The following RIMS1 variants were observed in gnomAD, a reference collection of about 807,000 sequenced individuals.
The protein encoded by RIMS1 is regulating synaptic membrane exocytosis 1.
In RIMS1, 83 loss-of-function variants were observed where a neutral mutation model predicts 214.1. That is an observed-to-expected ratio of 0.39 (90% CI 0.32 to 0.47). The LOEUF (loss-of-function observed/expected upper bound fraction) is 0.47, where lower values mean the gene tolerates loss of function less well. Among genes scored for constraint, RIMS1 ranks in the 20% least tolerant of loss-of-function variants. The pLI is 0.99. For missense variants in RIMS1, 2,050 were observed against 2,161.8 expected (o/e 0.95, Z 1.03); for synonymous variants, 793 against 786.8 (o/e 1.01, Z -0.13).
At chr6:72,276,532 C>G (rs556975488) in intron 23 of RIMS1, among the ~76,000 whole-genome samples, 6 of 151,898 alleles carry the variant, frequency 4.0e-5, no homozygotes, top group South Asian at 2.1e-4. Context: ...AGAAATGATC[C>G]TTTTAGATAA....
intron 6 of RIMS1, among the ~76,000 whole-genome samples, chr6:72,196,924 C>T (rs2051092018): frequency 1.3e-5 from 2 of 151,984 alleles, no homozygotes; most frequent in African/African-American, 2.4e-5. Context: ...TTCAAGTTGG[C>T]ATGTTCATTC....
chr6:72,383,405 A>G (rs2098527633), intron 29 of RIMS1, among the ~76,000 whole-genome samples: 1 of 152,108 alleles, frequency 6.6e-6, no homozygotes, highest in African/African-American at 2.4e-5. Context: ...CAAGTATAAT[A>G]TACTAACCAC....
chr6:72,320,135 A>G (rs1045547915), intron 28 of RIMS1, among the ~76,000 whole-genome samples: 3 of 152,154 alleles, frequency 2.0e-5, no homozygotes, highest in African/African-American at 7.2e-5. Flanking sequence ...GATGAATTTA[A>G]CAGTTGGATT....
At chr6:71,947,459 A>G (rs192330605) in intron 1 of RIMS1, among the ~76,000 whole-genome samples, 1 of 152,306 alleles carries the variant, frequency 6.6e-6, no homozygotes, top group East Asian at 1.9e-4. Flanking sequence ...CAAAAAGACA[A>G]ATACCGCATG....
chr6:72,121,851 T>C (rs2038403428), intron 4 of RIMS1, among the ~76,000 whole-genome samples: 1 of 151,934 alleles, frequency 6.6e-6, no homozygotes, highest in Non-Finnish European at 1.5e-5. Context: ...TATTGGGAGC[T>C]TTTAGGATAA....
intron 12 of RIMS1, among the ~76,000 whole-genome samples, chr6:72,249,957 A>C (rs1161693853): frequency 2.6e-5 from 4 of 152,156 alleles, no homozygotes; most frequent in Non-Finnish European, 5.9e-5. Flanking sequence ...TAGTCACGCT[A>C]TAATAATTTA....
intron 6 of RIMS1, among the ~76,000 whole-genome samples, chr6:72,190,407 G>C (rs576092187): frequency 1.3e-5 from 2 of 150,516 alleles, no homozygotes; most frequent in Admixed American, 6.6e-5. Context: ...AGGTTGCCGT[G>C]AGCTGAGATC....
chr6:72,078,131 T>C (rs1832377946), intron 2 of RIMS1, among the ~76,000 whole-genome samples: 1 of 152,224 alleles, frequency 6.6e-6, no homozygotes, highest in South Asian at 2.1e-4. Flanking sequence ...AGAGCATTTC[T>C]AAATGAAGCT....
intron 4 of RIMS1, among the ~76,000 whole-genome samples, chr6:72,132,486 T>C (rs2040599357): frequency 6.6e-6 from 1 of 152,188 alleles, no homozygotes; most frequent in South Asian, 2.1e-4. Flanking sequence ...ATTGGGTACA[T>C]AATATTATTG....
chr6:72,387,974 T>C (rs1019234624), intron 29 of RIMS1, among the ~76,000 whole-genome samples: 4 of 152,202 alleles, frequency 2.6e-5, no homozygotes, highest in Admixed American at 2.0e-4. Flanking sequence ...TGTTACATTA[T>C]ATTAAATGGA....
chr6:72,156,399 T>C (rs2044447554), intron 4 of RIMS1, among the ~76,000 whole-genome samples: 1 of 140,806 alleles, frequency 7.1e-6, no homozygotes, highest in African/African-American at 2.5e-5. Flanking sequence ...ATACCACTTA[T>C]CACTTGTATA....
chr6:72,236,539 T>C (rs954665878), intron 8 of RIMS1, among the ~76,000 whole-genome samples: 10 of 152,114 alleles, frequency 6.6e-5, no homozygotes, highest in African/African-American at 2.2e-4. Context: ...TACACATGAA[T>C]TTGGATGATA....
intron 29 of RIMS1, among the ~76,000 whole-genome samples, chr6:72,361,591 A>T (rs758534980): frequency 3.9e-5 from 6 of 152,150 alleles, no homozygotes; most frequent in Non-Finnish European, 8.8e-5. Flanking sequence ...GTTTTTTGCA[A>T]TTATCACCCT....
At chr6:72,191,942 A>G (rs1398271646) in intron 6 of RIMS1, among the ~76,000 whole-genome samples, 1 of 152,096 alleles carries the variant, frequency 6.6e-6, no homozygotes, top group African/African-American at 2.4e-5. Context: ...CACTCCAGGG[A>G]TGTGATATTG....
At chr6:72,171,281 T>C (rs2046984297) in intron 4 of RIMS1, among the ~76,000 whole-genome samples, 1 of 150,532 alleles carries the variant, frequency 6.6e-6, no homozygotes, top group Non-Finnish European at 1.5e-5. Context: ...ATATTGAATT[T>C]ATATATAATA....
intron 2 of RIMS1, among the ~76,000 whole-genome samples, chr6:72,071,317 C>T (rs541916753): frequency 2.0e-5 from 3 of 152,208 alleles, no homozygotes; most frequent in African/African-American, 7.2e-5. Context: ...GGGAGGATAA[C>T]TTGAGCCCGG....
At chr6:72,044,018 T>C (rs1350710824) in intron 2 of RIMS1, among the ~76,000 whole-genome samples, 8 of 151,538 alleles carry the variant, frequency 5.3e-5, no homozygotes, top group African/African-American at 1.7e-4. Context: ...AATATATTAT[T>C]AAAAATTTAT....
At chr6:72,338,269 T>C (rs2096917383) in intron 29 of RIMS1, among the ~76,000 whole-genome samples, 1 of 151,914 alleles carries the variant, frequency 6.6e-6, no homozygotes, top group South Asian at 2.1e-4. Flanking sequence ...CCTGACTTTT[T>C]AATGATCACC....
At chr6:72,150,350 G>A (rs1588098784) in intron 4 of RIMS1, among the ~76,000 whole-genome samples, 1 of 152,168 alleles carries the variant, frequency 6.6e-6, no homozygotes, top group Non-Finnish European at 1.5e-5. Context: ...TTTGGTCTGT[G>A]GATTTGACTT....
Sources: gnomAD v4.1 joint callset for allele counts (sites outside exome capture counted in the v4.1 genomes callset) on GRCh38, gnomAD v4.1.1 for gene constraint, MANE v1.5 for transcripts, NCBI Gene and HGNC (gene_info 2026-07-23, HGNC 2026-07-21) for gene names.